Variants in CHST3 observed in about 807,000 individuals in gnomAD.
The protein encoded by CHST3 is carbohydrate sulfotransferase 3, also known as C6ST-1.
In CHST3, 20 loss-of-function variants were observed where a neutral mutation model predicts 35.4. That is an observed-to-expected ratio of 0.57 (90% confidence interval 0.40 to 0.82). The LOEUF (loss-of-function observed/expected upper bound fraction) is 0.82, where lower values mean the gene tolerates loss of function less well. Ranked by LOEUF, CHST3 falls within the 40% of genes least tolerant of loss-of-function variation. The pLI, the probability that CHST3 is intolerant of heterozygous loss-of-function variation, is 0.00. For synonymous variants in CHST3, 334 were observed against 295.9 expected, an observed-to-expected ratio of 1.13 and a Z score of -1.32; for missense variants, 693 against 670.1, an observed-to-expected ratio of 1.03 and a Z score of -0.38.
intron 1 of CHST3, among the ~76,000 whole-genome samples, chr10:71,965,459 A>G (rs1179408683): frequency 6.6e-6 from 1 of 152,100 alleles, no homozygotes; most frequent in Admixed American, 6.5e-5. Context: ...TCCTCCAGGG[A>G]CTTCCAAGGG....
At chr10:71,972,627 G>T (rs1254338056) in intron 1 of CHST3, among the ~76,000 whole-genome samples, 1 of 152,142 alleles carries the variant, frequency 6.6e-6, no homozygotes, top group East Asian at 1.9e-4. Context: ...CCTCCCTAGT[G>T]GCCATTCCAG....
chr10:71,973,583 C>T (rs1839716675), intron 1 of CHST3, among the ~76,000 whole-genome samples: 2 of 152,218 alleles, frequency 1.3e-5, no homozygotes, highest in South Asian at 2.1e-4. Context: ...TAGTGGGGCA[C>T]AGAGTGCTGG....
At chr10:71,982,062 G>A (rs1010076283) in intron 1 of CHST3, among the ~76,000 whole-genome samples, 1 of 152,262 alleles carries the variant, frequency 6.6e-6, no homozygotes, top group African/African-American at 2.4e-5. Flanking sequence ...GGCCCCCACA[G>A]ATGTCCACGT....
chr10:72,008,508 G>T lies in CHST3; in HGVS notation c.*37G>T. On this transcript the variant is annotated 3_prime_UTR_variant, in exon 3 of 3. Transcript: ENST00000373115. ...CCCCGTATGCCCCTCCTCGTGAAAG[G>T]CCTGCCCCGTCTTTCTGCCGCAGCC... 3 of 1,471,004 alleles carry T rather than the reference G, an allele frequency of 2.0e-6. No homozygotes were observed. Among genetic ancestry groups the T allele is most frequent in the Non-Finnish European group, 2.7e-6 (3 of 1,110,860 alleles). 91.1% of individuals were successfully genotyped at this position (1,471,004 alleles called of 1,614,324 possible).
chr10:71,970,594 A>G (rs952441260), intron 1 of CHST3, among the ~76,000 whole-genome samples: 6 of 152,152 alleles, frequency 3.9e-5, no homozygotes, highest in Non-Finnish European at 8.8e-5. Context: ...GGCTGGGCAC[A>G]GGAGGAACAT....
At chr10:71,986,602 G>A (rs370542241) in intron 1 of CHST3, among the ~76,000 whole-genome samples, 94 of 152,338 alleles carry the variant, frequency 6.2e-4, no homozygotes, top group African/African-American at 2.1e-3. Context: ...CCATGGCCAT[G>A]TCCAGGTGTG....
intron 1 of CHST3, among the ~76,000 whole-genome samples, chr10:71,988,885 G>T (rs1250164094): frequency 6.6e-6 from 1 of 152,124 alleles, no homozygotes; most frequent in African/African-American, 2.4e-5. Context: ...TTGCCAGGCC[G>T]GGTGTGGTGG....
chr10:71,977,852 T>C (rs903441712), intron 1 of CHST3, among the ~76,000 whole-genome samples: 72 of 152,152 alleles, frequency 4.7e-4, no homozygotes, highest in African/African-American at 1.7e-3. Flanking sequence ...GTGTTTTTAG[T>C]AGAGACAGGG....
chr10:72,008,514 C>G lies in CHST3; in HGVS notation c.*43C>G. 1 of 1,465,390 alleles carries G rather than the reference C, an allele frequency of 6.8e-7. No individual in the cohort carries two copies. Among genetic ancestry groups the G allele is most frequent in the Non-Finnish European group, 9.0e-7 (1 of 1,108,260 alleles). 90.8% of individuals were successfully genotyped at this position (1,465,390 alleles called of 1,614,324 possible). On this transcript the variant is annotated 3_prime_UTR_variant, in exon 3 of 3. Transcript: ENST00000373115. Reference sequence around the variant, plus strand: ...ATGCCCCTCCTCGTGAAAGGCCTGCCCCGTCTTTCTGCCGCAGCCCTCGCA... The same window carrying G: ...ATGCCCCTCCTCGTGAAAGGCCTGCGCCGTCTTTCTGCCGCAGCCCTCGCA...
Position 72,007,498 on chromosome 10 carries a change from G to C in CHST3, c.467G>C (p.Gly156Ala), listed in dbSNP as rs377025689. The part of the protein sequence containing the change: ...SFVGEFFNQQ[G>A]NIFYLFEPLW... Reference sequence around the variant, plus strand: ...GTGGGCGAGTTCTTCAACCAGCAGGGCAACATCTTCTACCTCTTCGAGCCG... The same window carrying C: ...GTGGGCGAGTTCTTCAACCAGCAGGCCAACATCTTCTACCTCTTCGAGCCG... The change falls in exon 3 of 3, where the codon GGC (glycine) becomes GCC (alanine). Residue 156 changes from glycine to alanine, a missense_variant. Gly to Ala is a moderately conservative substitution (Grantham distance 60). Transcript: ENST00000373115. 9 of 1,602,404 alleles carry C rather than the reference G, an allele frequency of 5.6e-6. No homozygotes were observed. The East Asian group carries it at 1.6e-4, about 28-fold the overall frequency.
At chr10:72,001,464 T>C (rs1164667975) in intron 1 of CHST3, among the ~76,000 whole-genome samples, 1 of 148,044 alleles carries the variant, frequency 6.8e-6, no homozygotes, top group Admixed American at 6.7e-5. Flanking sequence ...GAAAGGTTTT[T>C]TTGTTTTTTG....
chr10:71,973,379 C>A (rs999499583), intron 1 of CHST3, among the ~76,000 whole-genome samples: 2 of 152,192 alleles, frequency 1.3e-5, no homozygotes, highest in East Asian at 3.9e-4. Context: ...ACTGCTCAAC[C>A]CCACCAGCAA....
At chr10:71,981,531 G>A (rs1372158557) in intron 1 of CHST3, among the ~76,000 whole-genome samples, 1 of 152,210 alleles carries the variant, frequency 6.6e-6, no homozygotes, top group Non-Finnish European at 1.5e-5. Context: ...ACTTTGAGGA[G>A]GAGAAAGGAC....
intron 1 of CHST3, among the ~76,000 whole-genome samples, chr10:71,967,257 G>T (rs530816986): frequency 1.1e-4 from 16 of 152,276 alleles, no homozygotes; most frequent in African/African-American, 3.9e-4. Flanking sequence ...CTCCCAAAGT[G>T]CTGGGATTAC....
chr10:71,998,607 C>CA (rs1407569774), intron 1 of CHST3, among the ~76,000 whole-genome samples: 2 of 152,256 alleles, frequency 1.3e-5, no homozygotes, highest in African/African-American at 4.8e-5. Flanking sequence ...GGCCGAGGGG[C>CA]AGCCAGGCCT....
At chr10:71,972,689 AAT>A (rs1268707388) in intron 1 of CHST3, among the ~76,000 whole-genome samples, 2 of 152,180 alleles carry the variant, frequency 1.3e-5, no homozygotes, top group Non-Finnish European at 2.9e-5. Flanking sequence ...CCTTTCAGCA[AAT>A]ATTTCTTCCC....
chr10:72,004,108 C>A (rs1840016674), intron 1 of CHST3, among the ~76,000 whole-genome samples: 1 of 152,166 alleles, frequency 6.6e-6, no homozygotes, highest in South Asian at 2.1e-4. Context: ...GCAGAGGTTG[C>A]AGTGAGCCAA....
At chr10:71,991,996 A>T (rs191875156) in intron 1 of CHST3, among the ~76,000 whole-genome samples, 4 of 152,172 alleles carry the variant, frequency 2.6e-5, no homozygotes, top group African/African-American at 9.6e-5. Context: ...TAGTATGTCT[A>T]AAAAAAGTAC....
rs71018245 is a variant in CHST3 at position 72,005,301 on chromosome 10, CTG to C, written c.-107-415_-107-414del. Among the ~76,000 whole-genome samples, 72 of 139,948 alleles carry C rather than the reference CTG, an allele frequency of 5.1e-4. 1 individual carries two copies. The highest frequency in any genetic ancestry group is 1.5e-3 in the South Asian group (7 of 4,700). The allele number at this position is 139,948 out of a possible 152,430, so 91.8% of individuals were successfully genotyped here. A position where few individuals can be genotyped will look rare whatever the true frequency, so the allele number is the denominator to read the frequency against. On this transcript the variant is annotated intron_variant, in intron 1 of 2. Transcript: ENST00000373115. Reference sequence around the variant, plus strand: ...TGCACCTTTGTGTGTGTGTGTGTGTCTGTGTGTGTGTGTGTGTGTGTTCTCAT... The same window carrying C: ...TGCACCTTTGTGTGTGTGTGTGTGTCTGTGTGTGTGTGTGTGTGTTCTCAT...
Sources: allele counts gnomAD v4.1 joint callset (sites outside exome capture counted in the v4.1 genomes callset), GRCh38; gene constraint gnomAD v4.1.1; transcripts MANE v1.5; gene names NCBI Gene and HGNC (gene_info 2026-07-23, HGNC 2026-07-21).